Variants in LMNB1 observed in about 807,000 individuals in gnomAD.
LMNB1 encodes lamin B1.
In LMNB1, 23 loss-of-function variants were observed where a neutral mutation model predicts 67.1. The ratio of observed to expected loss-of-function variants is 0.34; its 90% CI spans 0.25 to 0.49. LMNB1 has a LOEUF of 0.49. Ranked by LOEUF, LMNB1 falls within the 20% of genes least tolerant of loss-of-function variation. The pLI is 0.99. For synonymous variants in LMNB1, 281 were observed against 282.9 expected, an observed-to-expected ratio of 0.99 and a Z score of 0.07; for missense variants, 634 against 746.5, an observed-to-expected ratio of 0.85 and a Z score of 1.76.
chr5:126,792,567 A>ATTTT (rs752371260), intron 1 of LMNB1, among the ~76,000 whole-genome samples: 8 of 99,150 alleles, frequency 8.1e-5, no homozygotes, highest in South Asian at 3.4e-4. Context: ...AGCACTAGGG[A>ATTTT]TTTTTTTTTT....
chr5:126,807,490 G>A (rs145788855), intron 3 of LMNB1, among the ~76,000 whole-genome samples: 1 of 152,280 alleles, frequency 6.6e-6, no homozygotes, highest in Non-Finnish European at 1.5e-5. Context: ...TACTAATACT[G>A]CTATTTTTTT....
chr5:126,806,021 C>G (rs1026473655), intron 3 of LMNB1, among the ~76,000 whole-genome samples: 4 of 152,186 alleles, frequency 2.6e-5, no homozygotes, highest in Non-Finnish European at 4.4e-5. Flanking sequence ...GTGGCACGAT[C>G]TCGGCTCCTT....
intron 1 of LMNB1, among the ~76,000 whole-genome samples, chr5:126,779,102 G>C (rs1406355485): frequency 2.6e-5 from 4 of 152,102 alleles, no homozygotes; most frequent in Non-Finnish European, 5.9e-5. Flanking sequence ...TTTGCCCCTG[G>C]ATGTCTTTCT....
At chr5:126,807,975 G>A (rs957055683) in intron 3 of LMNB1, among the ~76,000 whole-genome samples, 2 of 151,870 alleles carry the variant, frequency 1.3e-5, no homozygotes, top group South Asian at 2.1e-4. Flanking sequence ...GGGTTCAAGC[G>A]ATTCTTCTGC....
At chr5:126,795,194 G>T (rs929836980) in intron 1 of LMNB1, among the ~76,000 whole-genome samples, 11 of 145,356 alleles carry the variant, frequency 7.6e-5, no homozygotes, top group Non-Finnish European at 1.0e-4. Context: ...CTGGAGTGCC[G>T]TGGCATGACC....
At chr5:126,791,002 CAA>C (rs1446417393) in intron 1 of LMNB1, among the ~76,000 whole-genome samples, 1 of 151,886 alleles carries the variant, frequency 6.6e-6, no homozygotes, top group Non-Finnish European at 1.5e-5. Flanking sequence ...GCCTGAGCGA[CAA>C]GAGCGAAACT....
intron 10 of LMNB1, among the ~76,000 whole-genome samples, chr5:126,834,421 A>T (rs72780218): frequency 6.6e-6 from 1 of 152,012 alleles, no homozygotes; most frequent in Admixed American, 6.5e-5. Context: ...GGCCACGACA[A>T]TCTCAATCTC....
intron 1 of LMNB1, among the ~76,000 whole-genome samples, chr5:126,801,425 C>T (rs1014037476): frequency 1.3e-5 from 2 of 152,124 alleles, no homozygotes; most frequent in Non-Finnish European, 2.9e-5. Flanking sequence ...TAAATACTCT[C>T]TTCATCCCCT....
rs778457280 is a variant in LMNB1 at position 126,832,681 on chromosome 5, C to T, written c.1612-13C>T. On this transcript the variant is annotated splice_polypyrimidine_tract_variant and intron_variant, in intron 9 of 10. Transcript: ENST00000261366. ...TAAGTGTGTTTTTTAACTTAAACTA[C>T]TATTGTTTTTAGGAGGTTGCTCAAA... 1.3e-6 allele frequency: 2 copies of T among 1,574,166 alleles called. No homozygotes were observed. The highest frequency in any genetic ancestry group is 2.2e-5 in the South Asian group (2 of 90,120).
intron 5 of LMNB1, among the ~76,000 whole-genome samples, chr5:126,817,002 C>G (rs1303924458): frequency 6.6e-6 from 1 of 152,164 alleles, no homozygotes; most frequent in Non-Finnish European, 1.5e-5. Flanking sequence ...AGGACTTAAG[C>G]GCCACATTCT....
chr5:126,803,536 C>G (rs924808908), intron 1 of LMNB1, among the ~76,000 whole-genome samples: 1 of 151,886 alleles, frequency 6.6e-6, no homozygotes, highest in Non-Finnish European at 1.5e-5. Context: ...GCATGAGCCA[C>G]CACGCCCGGC....
At chr5:126,818,823 G>A (rs1231750834) in intron 5 of LMNB1, 99 bp from the exon 6 acceptor site, 2 of 837,692 alleles carry the variant, frequency 2.4e-6, no homozygotes, top group Non-Finnish European at 4.0e-6. Context: ...ATTCCATAGG[G>A]TTGTACTGTT....
chr5:126,781,303 T>C (rs1750627665), intron 1 of LMNB1, among the ~76,000 whole-genome samples: 1 of 152,122 alleles, frequency 6.6e-6, no homozygotes, highest in Non-Finnish European at 1.5e-5. Flanking sequence ...TCATATTTTG[T>C]TGAAGAACAT....
At chr5:126,833,388 G>T (rs1752178457) in intron 10 of LMNB1, among the ~76,000 whole-genome samples, 1 of 152,174 alleles carries the variant, frequency 6.6e-6, no homozygotes, top group South Asian at 2.1e-4. Flanking sequence ...CAAGCTGTTT[G>T]AGTCCGATCA....
rs537077274 is a variant in LMNB1, at chr5:126,798,845, A to G, written c.360-5931A>G. On this transcript the variant is annotated intron_variant, in intron 1 of 10. Transcript: ENST00000261366. ...TCTGAGTTTTCTGTGCAGAAGATGT[A>G]GGAATAATAAGTCATGGGCCTTGCC... 6.6e-5 allele frequency among the ~76,000 whole-genome samples: 10 copies of G among 151,984 alleles called. No individual in the cohort carries two copies. In the East Asian group the frequency reaches 1.9e-3, roughly 29 times the overall value.
At chr5:126,828,540 G>C (rs780685986) in intron 9 of LMNB1, among the ~76,000 whole-genome samples, 1 of 151,418 alleles carries the variant, frequency 6.6e-6, no homozygotes, top group Non-Finnish European at 1.5e-5. Flanking sequence ...ACATTGAATA[G>C]TAGATTATTT....
chr5:126,799,553 C>A (rs1324744930), intron 1 of LMNB1, among the ~76,000 whole-genome samples: 2 of 152,224 alleles, frequency 1.3e-5, no homozygotes, highest in African/African-American at 4.8e-5. Flanking sequence ...AGTGTGGTGA[C>A]ATGGCCTAGT....
chr5:126,778,668 T>C (rs1008464708), intron 1 of LMNB1, among the ~76,000 whole-genome samples: 2 of 152,102 alleles, frequency 1.3e-5, no homozygotes, highest in Admixed American at 6.6e-5. Context: ...ACGGCTACCG[T>C]TCTTAGAATT....
intron 10 of LMNB1, 60 bp downstream of exon 10, chr5:126,832,861 A>G: frequency 8.5e-7 from 1 of 1,173,432 alleles, no homozygotes; most frequent in Non-Finnish European, 1.2e-6. Context: ...TTACATGAAG[A>G]CCAAGAGTGT....
Sources: allele counts gnomAD v4.1 joint callset (sites outside exome capture counted in the v4.1 genomes callset), GRCh38; gene constraint gnomAD v4.1.1; transcripts MANE v1.5; gene names NCBI Gene and HGNC (gene_info 2026-07-23, HGNC 2026-07-21).